SCGN: variants seen among roughly 807,000 people sequenced by gnomAD.
SCGN encodes secretagogin.
A neutral mutation model predicts 39.7 loss-of-function variants in SCGN; 30 were observed. The ratio of observed to expected loss-of-function variants is 0.76; its 90% CI spans 0.57 to 1.03. The LOEUF (loss-of-function observed/expected upper bound fraction) is 1.03. Among genes scored for constraint, SCGN ranks in the 50% least tolerant of loss-of-function variants. The probability of loss-of-function intolerance (pLI) is 0.00; values close to 1 mark genes in which losing one functional copy is unlikely to be tolerated. For missense variants in SCGN, 353 were observed against 349.4 expected (o/e 1.01, Z -0.08); for synonymous variants, 106 against 114.1 (o/e 0.93, Z 0.45).
intron 4 of SCGN, among the ~76,000 whole-genome samples, chr6:25,669,110 CAAA>C (rs3034251): frequency 7.3e-6 from 1 of 137,744 alleles, no homozygotes. Context: ...GACTCCGTCT[CAAA>C]AAAAAAAAAA....
chr6:25,673,099 A>G (rs1389918413), intron 6 of SCGN, among the ~76,000 whole-genome samples: 2 of 152,196 alleles, frequency 1.3e-5, no homozygotes, highest in Admixed American at 6.5e-5. Flanking sequence ...ATAGCCAGCT[A>G]TGATGAAACC....
intron 10 of SCGN, among the ~76,000 whole-genome samples, chr6:25,696,838 A>C (rs1012403011): frequency 6.6e-6 from 1 of 152,166 alleles, no homozygotes; most frequent in African/African-American, 2.4e-5. Flanking sequence ...ATGTTTTCGC[A>C]TTATTATGTT....
chr6:25,698,765 A>G (rs146895305), intron 10 of SCGN, among the ~76,000 whole-genome samples: 58 of 152,256 alleles, frequency 3.8e-4, no homozygotes, highest in East Asian at 1.5e-3. Flanking sequence ...AGAAGAGTGA[A>G]GTTGATCAAG....
chr6:25,666,879 A>T (rs1760433158), intron 4 of SCGN, among the ~76,000 whole-genome samples: 1 of 152,200 alleles, frequency 6.6e-6, no homozygotes, highest in African/African-American at 2.4e-5. Context: ...ATAAAGTCAT[A>T]ATTATTTAAA....
intron 4 of SCGN, among the ~76,000 whole-genome samples, chr6:25,669,077 G>GCAC (rs1397011357): frequency 1.3e-5 from 2 of 148,832 alleles, no homozygotes; most frequent in Admixed American, 6.7e-5. Flanking sequence ...CGCCACTGCA[G>GCAC]TCCAGCCTGG....
intron 2 of SCGN, among the ~76,000 whole-genome samples, chr6:25,659,782 T>C (rs896901636): frequency 6.6e-6 from 1 of 151,988 alleles, no homozygotes; most frequent in Non-Finnish European, 1.5e-5. Context: ...GAGCAACATG[T>C]TGTGCCAGGC....
At chr6:25,663,944 T>C (rs891091571) in intron 3 of SCGN, among the ~76,000 whole-genome samples, 11 of 152,190 alleles carry the variant, frequency 7.2e-5, no homozygotes, top group African/African-American at 2.2e-4. Flanking sequence ...CTCTGTGGTA[T>C]TGTACAAGAC....
At chr6:25,661,438 C>T in intron 2 of SCGN, 114 bp from the exon 3 acceptor site, 1 of 720,020 alleles carries the variant, frequency 1.4e-6, no homozygotes, top group Non-Finnish European at 2.4e-6. Context: ...AAGGAACCTG[C>T]TTTCCATGTT....
intron 6 of SCGN, among the ~76,000 whole-genome samples, chr6:25,674,603 T>C (rs1759541888): frequency 6.6e-6 from 1 of 152,248 alleles, no homozygotes; most frequent in South Asian, 2.1e-4. Context: ...AGGTTTAGCA[T>C]CAAATGCTTT....
intron 3 of SCGN, 53 bp from the exon 4 acceptor site, chr6:25,664,890 T>G: frequency 7.0e-7 from 1 of 1,422,510 alleles, no homozygotes; most frequent in East Asian, 2.3e-5. Context: ...GGGAGCACTC[T>G]TGAAATGGAC....
intron 4 of SCGN, among the ~76,000 whole-genome samples, chr6:25,666,771 A>C (rs557698660): frequency 6.6e-6 from 1 of 152,246 alleles, no homozygotes; most frequent in Non-Finnish European, 1.5e-5. Flanking sequence ...CTGAATAAAT[A>C]AAATATAGGT....
chr6:25,677,399 A>G (rs1297622592), intron 6 of SCGN, among the ~76,000 whole-genome samples: 1 of 152,228 alleles, frequency 6.6e-6, no homozygotes, highest in Non-Finnish European at 1.5e-5. Context: ...AGTGTGCAGA[A>G]TGTTATTAGA....
intron 6 of SCGN, among the ~76,000 whole-genome samples, chr6:25,681,367 A>C (rs1759635084): frequency 6.6e-6 from 1 of 152,218 alleles, no homozygotes; most frequent in Admixed American, 6.5e-5. Context: ...AGAATAAAAT[A>C]GTTTCAGAAA....
chr6:25,693,831 A>T (rs1303085331), intron 10 of SCGN, among the ~76,000 whole-genome samples: 2 of 151,938 alleles, frequency 1.3e-5, no homozygotes, highest in Non-Finnish European at 2.9e-5. Flanking sequence ...TTCTAGGCTG[A>T]CCCCCTGGGG....
chr6:25,657,721 A>G (rs1294705143), intron 2 of SCGN, among the ~76,000 whole-genome samples: 1 of 149,532 alleles, frequency 6.7e-6, no homozygotes, highest in Non-Finnish European at 1.5e-5. Flanking sequence ...GCATATATAT[A>G]TGATTTCCAG....
At chr6:25,690,960 C>A in intron 9 of SCGN, 96 bp from the exon 10 acceptor site, 6 of 883,424 alleles carry the variant, frequency 6.8e-6, no homozygotes, top group Non-Finnish European at 1.1e-5. Context: ...TTTGCGGCCA[C>A]ACAAGAATAC....
chr6:25,676,864 A>T (rs1759569718), intron 6 of SCGN, among the ~76,000 whole-genome samples: 1 of 152,198 alleles, frequency 6.6e-6, no homozygotes, highest in South Asian at 2.1e-4. Context: ...GCCACATAGT[A>T]GGCACTCTAT....
At chr6:25,664,369 C>T (rs1047082142) in intron 3 of SCGN, among the ~76,000 whole-genome samples, 10 of 152,176 alleles carry the variant, frequency 6.6e-5, no homozygotes, top group Admixed American at 1.3e-4. Context: ...GGCTTGAGAT[C>T]GCCAAGCTGA....
chr6:25,666,537 CATTCATTCTACAA>C (rs552091730), intron 4 of SCGN, among the ~76,000 whole-genome samples: 12 of 152,284 alleles, frequency 7.9e-5, no homozygotes, highest in Admixed American at 7.8e-4. Flanking sequence ...TCATATAATT[CATTCATTCTACAA>C]ATTCTTAAGA....
Sources: allele counts gnomAD v4.1 joint callset (sites outside exome capture counted in the v4.1 genomes callset), GRCh38; gene constraint gnomAD v4.1.1; transcripts MANE v1.5; gene names NCBI Gene and HGNC (gene_info 2026-07-23, HGNC 2026-07-21).